The following FAM13C variants were observed in gnomAD, a reference collection of about 807,000 sequenced individuals.
FAM13C encodes the protein protein FAM13C.
FAM13C carries 37 observed loss-of-function variants against 73.2 expected under a neutral mutation model. The observed-to-expected ratio is 0.51, with a 90% confidence interval of 0.39 to 0.67. The LOEUF is 0.67. FAM13C is among the 30% of genes least tolerant of loss of function. FAM13C has a pLI of 0.00. For missense variants in FAM13C, 589 were observed against 715.6 expected, an observed-to-expected ratio of 0.82 and a Z score of 2.02; for synonymous variants, 246 against 260.9, an observed-to-expected ratio of 0.94 and a Z score of 0.55.
At chr10:59,340,287 T>C (rs993643040) in intron 3 of FAM13C, among the ~76,000 whole-genome samples, 1 of 152,202 alleles carries the variant, frequency 6.6e-6, no homozygotes, top group Non-Finnish European at 1.5e-5. Flanking sequence ...ATTATCTCCA[T>C]TGCCCAGAGA....
At chr10:59,334,570 G>C (rs924589747) in intron 3 of FAM13C, among the ~76,000 whole-genome samples, 1 of 152,078 alleles carries the variant, frequency 6.6e-6, no homozygotes. Context: ...ATGGAATACT[G>C]TGCAGCCATA....
intron 3 of FAM13C, among the ~76,000 whole-genome samples, chr10:59,329,710 G>A (rs1383440889): frequency 6.6e-6 from 1 of 152,136 alleles, no homozygotes; most frequent in South Asian, 2.1e-4. Flanking sequence ...CTGCTTTGTT[G>A]TAAGACTTTC....
intron 8 of FAM13C, among the ~76,000 whole-genome samples, chr10:59,268,198 GAA>G (rs1489569865): frequency 7.3e-6 from 1 of 137,344 alleles, no homozygotes; most frequent in Non-Finnish European, 1.6e-5. Context: ...ATGCAATTGA[GAA>G]AAAGTGAAAA....
At chr10:59,310,687 C>G (rs1394236393) in intron 4 of FAM13C, among the ~76,000 whole-genome samples, 1 of 152,104 alleles carries the variant, frequency 6.6e-6, no homozygotes, top group Non-Finnish European at 1.5e-5. Context: ...TCCACTTGTC[C>G]AGGCCAATGA....
intron 4 of FAM13C, among the ~76,000 whole-genome samples, chr10:59,317,736 C>CT (rs895147640): frequency 5.3e-5 from 8 of 151,240 alleles, no homozygotes; most frequent in Admixed American, 1.3e-4. Context: ...AATAGTGCTT[C>CT]TTTTTTTTTC....
chr10:59,315,644 C>T (rs763378205), intron 4 of FAM13C, among the ~76,000 whole-genome samples: 2 of 152,170 alleles, frequency 1.3e-5, no homozygotes, highest in Non-Finnish European at 2.9e-5. Flanking sequence ...CCCCACATGA[C>T]TTCCAAATGT....
At chr10:59,355,470 T>C (rs547144735) in intron 2 of FAM13C, among the ~76,000 whole-genome samples, 3 of 152,302 alleles carry the variant, frequency 2.0e-5, no homozygotes, top group African/African-American at 7.2e-5. Flanking sequence ...ATGAAAGGGC[T>C]TGGAACAAAG....
intron 4 of FAM13C, among the ~76,000 whole-genome samples, chr10:59,312,596 C>A (rs73300159): frequency 0.13 from 19,168 of 152,088 alleles, 1,308 homozygotes; most frequent in South Asian, 0.16. Flanking sequence ...TAGACAAAAT[C>A]CAAGGATCAA....
At chr10:59,289,667 TGG>T (rs1845997899) in intron 5 of FAM13C, among the ~76,000 whole-genome samples, 1 of 152,178 alleles carries the variant, frequency 6.6e-6, no homozygotes, top group Non-Finnish European at 1.5e-5. Flanking sequence ...CATAGGGCTA[TGG>T]AGGAAAGAAA....
chr10:59,309,982 T>G (rs1848732225), intron 4 of FAM13C, among the ~76,000 whole-genome samples: 1 of 152,210 alleles, frequency 6.6e-6, no homozygotes, highest in African/African-American at 2.4e-5. Context: ...GAGGATGGAA[T>G]GACTCTCATT....
intron 10 of FAM13C, among the ~76,000 whole-genome samples, chr10:59,261,764 T>C (rs1217434335): frequency 6.6e-6 from 1 of 152,156 alleles, no homozygotes; most frequent in African/African-American, 2.4e-5. Flanking sequence ...CTTGGCATAA[T>C]TGAAATGGAA....
At chr10:59,339,490 C>A (rs1045570805) in intron 3 of FAM13C, among the ~76,000 whole-genome samples, 2 of 152,260 alleles carry the variant, frequency 1.3e-5, no homozygotes, top group Non-Finnish European at 2.9e-5. Context: ...TACAATCCAG[C>A]CCCTACAAAC....
chr10:59,252,901 G>A lies in FAM13C; in HGVS notation c.1430C>T (p.Thr477Ile). 6.2e-7 allele frequency: 1 copy of A among 1,614,118 alleles called. No individual in the cohort carries two copies. Among genetic ancestry groups the A allele is most frequent in the Non-Finnish European group, 8.5e-7 (1 of 1,180,006 alleles). ...ASHLPVGDHL[T>I]YSNETEPVRA... ...AACAGGCTCAGTCTCATTAGAGTAG[G>A]TGAGGTGGTCACCAACAGGAAGGTG... Residue 477 changes from threonine to isoleucine, a missense_variant, in exon 12 of 14, where the codon ACC (threonine) becomes ATC (isoleucine). Transcript: ENST00000618804.
chr10:59,252,788 T>C lies in FAM13C; in HGVS notation c.1532+11A>G. ...TTAAGAGGAGACTCCACACTTAGGATTCATACTCACATGGTAGCCTCATGT... is the reference window on the plus strand; with the variant it reads ...TTAAGAGGAGACTCCACACTTAGGACTCATACTCACATGGTAGCCTCATGT... On this transcript the variant is annotated intron_variant, in intron 12 of 13. Coordinates refer to ENST00000618804, the MANE Select transcript of FAM13C (RefSeq NM_198215.4). 6.2e-7 allele frequency: 1 copy of C among 1,612,852 alleles called. No individual in the cohort carries two copies. The highest frequency in any genetic ancestry group is 8.5e-7 in the Non-Finnish European group (1 of 1,179,396).
chr10:59,255,765 A>G (rs1239661346), intron 10 of FAM13C, among the ~76,000 whole-genome samples: 2 of 152,148 alleles, frequency 1.3e-5, no homozygotes, highest in Non-Finnish European at 2.9e-5. Flanking sequence ...TCCCATCCCA[A>G]TTGCAAACCA....
intron 6 of FAM13C, among the ~76,000 whole-genome samples, chr10:59,270,587 C>T (rs950869083): frequency 7.9e-5 from 12 of 151,838 alleles, no homozygotes; most frequent in African/African-American, 2.7e-4. Flanking sequence ...GGAGAGGAGT[C>T]CCCAGAAAGA....
intron 10 of FAM13C, among the ~76,000 whole-genome samples, chr10:59,260,736 G>A (rs1296939283): frequency 2.0e-5 from 3 of 151,980 alleles, no homozygotes; most frequent in African/African-American, 4.8e-5. Context: ...CAATGGCTTC[G>A]ATATCTTTTA....
chr10:59,353,773 T>C (rs767804658), intron 2 of FAM13C, among the ~76,000 whole-genome samples: 8 of 152,212 alleles, frequency 5.3e-5, no homozygotes, highest in Admixed American at 1.3e-4. Context: ...CTACGTGACA[T>C]AGTTAAACTT....
intron 5 of FAM13C, among the ~76,000 whole-genome samples, chr10:59,284,881 C>CCA (rs372630632): frequency 1.3e-5 from 2 of 151,454 alleles, no homozygotes; most frequent in Non-Finnish European, 2.9e-5. Context: ...CACATACTGT[C>CCA]CACACACACA....
Sources: gnomAD v4.1 joint callset for allele counts (sites outside exome capture counted in the v4.1 genomes callset) on GRCh38, gnomAD v4.1.1 for gene constraint, MANE v1.5 for transcripts, NCBI Gene and HGNC (gene_info 2026-07-23, HGNC 2026-07-21) for gene names.